TULP4: variants seen among roughly 807,000 people sequenced by gnomAD.
The protein encoded by TULP4 is TUB like protein 4, also known as tubby-related protein 4.
TULP4 carries 16 observed loss-of-function variants against 129.0 expected under a neutral mutation model. The observed-to-expected ratio is 0.12, with a 90% CI of 0.08 to 0.19. TULP4 has a LOEUF of 0.19. Among genes scored for constraint, TULP4 ranks in the 10% least tolerant of loss-of-function variants. TULP4 has a pLI of 1.00. For missense variants in TULP4, 1,842 were observed against 2,059.1 expected (o/e 0.89, Z 2.04); for synonymous variants, 998 against 854.0 (o/e 1.17, Z -2.94).
rs1340128063 is a variant in TULP4 at position 158,508,306 on chromosome 6, CAA to C, written c.*1613_*1614del. 1 of 152,120 alleles carries C rather than the reference CAA, an allele frequency of 6.6e-6. No homozygotes were observed. Among genetic ancestry groups the C allele is most frequent in the African/African-American group, 2.4e-5 (1 of 41,412 alleles). 9.4% of individuals were successfully genotyped at this position (152,120 alleles called of 1,614,324 possible). A position where few individuals can be genotyped will look rare whatever the true frequency, so the allele number is the denominator to read the frequency against. On this transcript the variant is annotated 3_prime_UTR_variant, in exon 14 of 14. Transcript: ENST00000367097. ...AATTTGCATTTTATTTGGAAACAGACAAGTAGAAGATGCTACAGAAAAGTATT... is the reference window on the plus strand; with the variant it reads ...AATTTGCATTTTATTTGGAAACAGACGTAGAAGATGCTACAGAAAAGTATT...
At chr6:158,328,121 TGTGTGTGCGTGC>T (rs58988771) in intron 1 of TULP4, among the ~76,000 whole-genome samples, 3,631 of 81,564 alleles carry the variant, frequency 0.045, 166 homozygotes, top group African/African-American at 0.1. Flanking sequence ...TGTGTGTGTG[TGTGTGTGCGTGC>T]GTGCTGGGAA....
In TULP4 at chr6:158,387,338, C is replaced by T. The variant is rs191470534; in HGVS notation, c.253-25727C>T. On this transcript the variant is annotated intron_variant, in intron 1 of 13. Transcript: ENST00000367097. ...GTATATCTATCTTAAAATTTCATGA[C>T]GTTCTGCAACACAACATGCTGTAAT... Among the ~76,000 whole-genome samples, 8 of 152,170 alleles carry T rather than the reference C, an allele frequency of 5.3e-5. No individual in the cohort carries two copies. The South Asian group carries it at 1.5e-3, about 28-fold the overall frequency.
chr6:158,260,136 C>T (rs1451344224), intron 1 of TULP4, among the ~76,000 whole-genome samples: 1 of 152,148 alleles, frequency 6.6e-6, no homozygotes, highest in Non-Finnish European at 1.5e-5. Flanking sequence ...CCAGCCCATC[C>T]CTTGAAATGC....
chr6:158,242,278 G>A (rs1562491940), intron 1 of TULP4: 12 of 1,541,568 alleles, frequency 7.8e-6, no homozygotes, highest in African/African-American at 1.4e-5. Context: ...CAGTGCACAT[G>A]CAGTGTTTAG....
chr6:158,391,021 G>T (rs1777572211), intron 1 of TULP4, among the ~76,000 whole-genome samples: 3 of 152,266 alleles, frequency 2.0e-5, no homozygotes, highest in South Asian at 4.2e-4. Context: ...AGGCTGCACT[G>T]AGCTATGATT....
intron 4 of TULP4, among the ~76,000 whole-genome samples, chr6:158,451,302 C>T (rs35998675): frequency 0.013 from 1,967 of 152,188 alleles, 14 homozygotes; most frequent in Non-Finnish European, 0.02. Flanking sequence ...GTGTGGAGGT[C>T]GGTATAGTGC....
chr6:158,413,447 A>C lies in TULP4; in HGVS notation c.381+254A>C, dbSNP rs1193929818. Among the ~76,000 whole-genome samples, 2 of 152,164 alleles carry C rather than the reference A, an allele frequency of 1.3e-5. No homozygotes were observed. Among genetic ancestry groups the C allele is most frequent in the African/African-American group, 4.8e-5 (2 of 41,428 alleles). ...TCTCCAACTTTCAAACTTTAATCAG[A>C]TCTGTGAAGTCATTTTTTACCCTTC... On this transcript the variant is annotated intron_variant, in intron 2 of 13. Coordinates refer to ENST00000367097, the MANE Select transcript of TULP4 (RefSeq NM_020245.5). This position sits in a 1 kb window ranked among gnomAD's most constrained non-coding sequence, Gnocchi z 4.9.
At chr6:158,490,484 T>A (rs914324858) in intron 9 of TULP4, among the ~76,000 whole-genome samples, 2 of 152,220 alleles carry the variant, frequency 1.3e-5, no homozygotes, top group Non-Finnish European at 2.9e-5. Flanking sequence ...TTTTCTTCAC[T>A]AAGATTTCTA....
chr6:158,405,668 C>CACAAGGGGT (rs1156465713), intron 1 of TULP4, among the ~76,000 whole-genome samples: 1 of 152,096 alleles, frequency 6.6e-6, no homozygotes, highest in Non-Finnish European at 1.5e-5. Context: ...CTATCCAAGC[C>CACAAGGGGT]ACAAGGGGTT....
At position 158,502,729 on chromosome 6, in the gene TULP4, G is replaced by T; in HGVS notation, c.3066G>T (p.Val1022=). 1 of 1,572,726 alleles carries T rather than the reference G, an allele frequency of 6.4e-7. No individual in the cohort carries two copies. The highest frequency in any genetic ancestry group is 1.7e-4 in the Middle Eastern group (1 of 5,932). The part of the protein sequence containing the change: ...LAKSKGGPGG[V]VTQLPARPPP... ...AGTCCAAGGGCGGGCCCGGGGGGGT[G>T]GTGACACAGCTCCCAGCGCGGCCCC... Residue 1022 remains valine, a synonymous_variant, in exon 13 of 14, where the codon GTG becomes GTT. Transcript: ENST00000367097.
At chr6:158,285,765 G>T (rs1778824769) in intron 1 of TULP4, among the ~76,000 whole-genome samples, 1 of 152,166 alleles carries the variant, frequency 6.6e-6, no homozygotes, top group Non-Finnish European at 1.5e-5. Flanking sequence ...GGACAATGTG[G>T]GTGTGCTCTC....
In TULP4 at chr6:158,266,684, C is replaced by T. The variant is rs185960912; in HGVS notation, n.68+34381C>T. On this transcript the variant is annotated intron_variant and non_coding_transcript_variant, in intron 1 of 1. Coordinates refer to the TULP4 transcript ENST00000620026. Reference sequence around the variant, plus strand: ...AAATATAGTAGAACAATAGCATTTACGTTGTATTAGGTAATATAAATAATC... The same window carrying T: ...AAATATAGTAGAACAATAGCATTTATGTTGTATTAGGTAATATAAATAATC... Among the ~76,000 whole-genome samples the T allele has an allele frequency of 2.4e-3, 369 of 152,178 alleles. 2 individuals carry two copies. Among genetic ancestry groups the T allele is most frequent in the African/African-American group, 8.6e-3 (355 of 41,504 alleles).
chr6:158,297,013 T>A (rs1779047608), intron 1 of TULP4, among the ~76,000 whole-genome samples: 1 of 152,146 alleles, frequency 6.6e-6, no homozygotes, highest in African/African-American at 2.4e-5. Flanking sequence ...CAGTCTGACC[T>A]GAAATTTACC....
intron 5 of TULP4, among the ~76,000 whole-genome samples, chr6:158,461,076 T>C (rs1328956156): frequency 6.6e-6 from 1 of 152,194 alleles, no homozygotes; most frequent in African/African-American, 2.4e-5. Flanking sequence ...TTTAATAGAA[T>C]CCATCATCTT....
At position 158,511,625 on chromosome 6, in the gene TULP4, T is replaced by C. The variant is rs887678603; in HGVS notation, c.*4931T>C. On this transcript the variant is annotated 3_prime_UTR_variant, in exon 14 of 14. Coordinates refer to ENST00000367097, the MANE Select transcript of TULP4 (RefSeq NM_020245.5). ...TTAATGAGCTCATCCTTATTTGCCT[T>C]TCTTCTTACGTATTTTGTGTATTAG... 2 of 152,686 alleles carry C rather than the reference T, an allele frequency of 1.3e-5. No individual in the cohort carries two copies. Among genetic ancestry groups the C allele is most frequent in the Non-Finnish European group, 2.9e-5 (2 of 68,052 alleles). 9.5% of individuals were successfully genotyped at this position (152,686 alleles called of 1,614,324 possible).
chr6:158,452,886 G>A (rs1779194978), intron 5 of TULP4, among the ~76,000 whole-genome samples: 1 of 152,186 alleles, frequency 6.6e-6, no homozygotes, highest in African/African-American at 2.4e-5. Context: ...CAGTTCAAGA[G>A]TACTGTTGAT....
chr6:158,469,935 T>A (rs890710053), intron 6 of TULP4, among the ~76,000 whole-genome samples: 8 of 151,968 alleles, frequency 5.3e-5, no homozygotes, highest in Admixed American at 5.2e-4. Flanking sequence ...GCGGGCCACT[T>A]CCAAGATGGT....
intron 3 of TULP4, among the ~76,000 whole-genome samples, chr6:158,440,007 G>T (rs145736159): frequency 0.021 from 3,166 of 151,420 alleles, 72 homozygotes; most frequent in Non-Finnish European, 0.025. Context: ...CACCGTGTCC[G>T]GCCTAGAGTG....
At chr6:158,268,954 A>G (rs1053216745) in intron 1 of TULP4, among the ~76,000 whole-genome samples, 1 of 152,160 alleles carries the variant, frequency 6.6e-6, no homozygotes, top group Non-Finnish European at 1.5e-5. Flanking sequence ...CATATTGCCA[A>G]ATTGCTTTTT....
Sources: gnomAD v4.1 joint callset for allele counts (sites outside exome capture counted in the v4.1 genomes callset) on GRCh38, gnomAD v4.1.1 for gene constraint, Gnocchi (gnomAD v3.1) non-coding constraint, MANE v1.5 for transcripts, NCBI Gene and HGNC (gene_info 2026-07-23, HGNC 2026-07-21) for gene names.